The following UIMC1 variants were observed in gnomAD, a reference collection of about 807,000 sequenced individuals.
UIMC1 encodes ubiquitin interaction motif containing 1, also known as BRCA1-A complex subunit RAP80.
UIMC1 carries 42 observed loss-of-function variants against 84.9 expected under a neutral mutation model. That is an observed-to-expected ratio of 0.49 (90% CI 0.39 to 0.64). The LOEUF is 0.64. Ranked by LOEUF, UIMC1 falls within the 30% of genes least tolerant of loss-of-function variation. UIMC1 has a pLI of 0.00. For synonymous variants in UIMC1, 281 were observed against 293.0 expected, an observed-to-expected ratio of 0.96 and a Z score of 0.42; for missense variants, 825 against 847.6, an observed-to-expected ratio of 0.97 and a Z score of 0.33.
chr5:176,937,960 G>A (rs1442848791), intron 10 of UIMC1, among the ~76,000 whole-genome samples: 1 of 152,066 alleles, frequency 6.6e-6, no homozygotes, highest in Non-Finnish European at 1.5e-5. Flanking sequence ...GGAGGCCAAC[G>A]CAGGAGAATC....
At chr5:176,917,179 G>T (rs1199688527) in intron 10 of UIMC1, among the ~76,000 whole-genome samples, 2 of 152,166 alleles carry the variant, frequency 1.3e-5, no homozygotes, top group Non-Finnish European at 2.9e-5. Context: ...GGAAAAGAAG[G>T]GAAGACGAGC....
intron 6 of UIMC1, among the ~76,000 whole-genome samples, chr5:176,966,966 G>A (rs766763585): frequency 6.6e-6 from 1 of 152,112 alleles, no homozygotes; most frequent in Non-Finnish European, 1.5e-5. Flanking sequence ...TAAGAGATAC[G>A]CAAATTAAGA....
intron 1 of UIMC1, among the ~76,000 whole-genome samples, chr5:177,021,095 T>C (rs1305256443): frequency 6.6e-6 from 1 of 151,946 alleles, no homozygotes; most frequent in Non-Finnish European, 1.5e-5. Flanking sequence ...CTAGCTAACA[T>C]AGTGAAACCC....
At chr5:176,976,631 AAATG>A (rs548507661) in intron 2 of UIMC1, among the ~76,000 whole-genome samples, 82 of 152,382 alleles carry the variant, frequency 5.4e-4, no homozygotes, top group African/African-American at 1.8e-3. Flanking sequence ...ACACACTACG[AAATG>A]AATGTACCTT....
At chr5:176,911,447 T>C (rs1581343701) in intron 10 of UIMC1, 58 bp from the exon 11 acceptor site, 4 of 1,240,108 alleles carry the variant, frequency 3.2e-6, no homozygotes, top group South Asian at 4.4e-5. Context: ...AGACTCTGAA[T>C]ATAAAAGACA....
chr5:176,959,770 G>A (rs189605544), intron 6 of UIMC1, among the ~76,000 whole-genome samples: 210 of 150,586 alleles, frequency 1.4e-3, no homozygotes, highest in Non-Finnish European at 1.9e-3. Context: ...GGTGGCTCAC[G>A]CCTGTAATCC....
At position 176,964,605 on chromosome 5, in the gene UIMC1, A is replaced by G. The variant is rs549324261; in HGVS notation, c.1200+3950T>C. On this transcript the variant is annotated intron_variant, in intron 6 of 14. Coordinates refer to ENST00000511320, the MANE Select transcript of UIMC1 (RefSeq NM_001199298.2). ...AATATAGCCATTAAAAGTGAAATAT[A>G]TAATTTAACATGAGAAAATGTCTAC... 5.3e-5 allele frequency among the ~76,000 whole-genome samples: 8 copies of G among 152,366 alleles called. No homozygotes were observed. In the East Asian group the frequency reaches 1.2e-3, roughly 22 times the overall value.
chr5:177,010,787 T>C (rs1034303683), upstream of UIMC1, among the ~76,000 whole-genome samples: 3 of 152,108 alleles, frequency 2.0e-5, no homozygotes, highest in Admixed American at 6.6e-5. Context: ...CCTCCCAAAG[T>C]GAGCAACCGG....
intron 2 of UIMC1, among the ~76,000 whole-genome samples, chr5:176,979,886 G>C (rs982868663): frequency 6.6e-6 from 1 of 152,102 alleles, no homozygotes; most frequent in South Asian, 2.1e-4. Flanking sequence ...GTGTCTGTCC[G>C]GGTGTTTGCA....
At chr5:176,967,431 C>T (rs551410959) in intron 6 of UIMC1, among the ~76,000 whole-genome samples, 1 of 151,968 alleles carries the variant, frequency 6.6e-6, no homozygotes, top group South Asian at 2.1e-4. Flanking sequence ...TCTGCTTGTA[C>T]CAGATAAAGT....
At chr5:176,929,922 A>G (rs1762881979) in intron 10 of UIMC1, among the ~76,000 whole-genome samples, 1 of 152,226 alleles carries the variant, frequency 6.6e-6, no homozygotes, top group African/African-American at 2.4e-5. Context: ...TGTCATCAGA[A>G]CCTAAATAAA....
chr5:176,937,956 C>CA lies in UIMC1; in HGVS notation c.1597+5378dup, dbSNP rs543914643. On this transcript the variant is annotated intron_variant, in intron 10 of 14. Coordinates refer to ENST00000511320, the MANE Select transcript of UIMC1 (RefSeq NM_001199298.2). ...CTATAATCCCAGCACTTTGGGAGGC[C>CA]AACGCAGGAGAATCACTTGAGCCCA... 3.1e-3 allele frequency among the ~76,000 whole-genome samples: 471 copies of CA among 152,082 alleles called. 3 individuals carry two copies. Among genetic ancestry groups the CA allele is most frequent in the African/African-American group, 0.011 (461 of 41,490 alleles).
At chr5:176,935,139 A>T (rs909025873) in intron 10 of UIMC1, among the ~76,000 whole-genome samples, 1 of 152,124 alleles carries the variant, frequency 6.6e-6, no homozygotes, top group African/African-American at 2.4e-5. Flanking sequence ...GCTGTTCCAT[A>T]ATGTAGACCC....
At chr5:176,966,937 AG>A (rs995555352) in intron 6 of UIMC1, among the ~76,000 whole-genome samples, 3 of 152,236 alleles carry the variant, frequency 2.0e-5, no homozygotes, top group African/African-American at 7.2e-5. Context: ...GTGAGAAAAA[AG>A]TTCAGCCTCA....
rs1455467130 is a variant in UIMC1, at chr5:176,968,944, C to T, written c.811G>A (p.Gly271Arg). The T allele has an allele frequency of 1.2e-6, 2 of 1,614,200 alleles. No individual in the cohort carries two copies. The highest frequency in any genetic ancestry group is 1.7e-6 in the Non-Finnish European group (2 of 1,180,038). ...LADAKGLQDT[G>R]GTVNYFWGIP... ...CCCCAGAAATAGTTCACAGTGCCCC[C>T]AGTGTCCTGGAGACCTTTGGCATCT... The change falls in exon 6 of 15, where the codon GGG becomes AGG. Residue 271 changes from glycine to arginine, a missense_variant. Physicochemically the swap from Gly to Arg is moderately radical, Grantham distance 125. Coordinates refer to ENST00000511320, the MANE Select transcript of UIMC1 (RefSeq NM_001199298.2).
At chr5:176,905,598 AAATAATCTTTGT>A in intron 14 of UIMC1, 106 bp from the exon 15 acceptor site, 2 of 1,045,178 alleles carry the variant, frequency 1.9e-6, no homozygotes, top group South Asian at 3.2e-5. Flanking sequence ...TTATTAGTAC[AAATAATCTTTGT>A]AATAATCCCA....
chr5:176,986,857 A>C (rs1581657091), intron 1 of UIMC1, among the ~76,000 whole-genome samples: 1 of 152,310 alleles, frequency 6.6e-6, no homozygotes, highest in African/African-American at 2.4e-5. Context: ...CTCAACTTAG[A>C]AGTAAAACTA....
rs1419489939 is a variant in UIMC1 at position 176,905,195 on chromosome 5, CA to C, written c.*86del. 6.9e-7 allele frequency: 1 copy of C among 1,440,672 alleles called. No homozygotes were observed. The allele number at this position is 1,440,672 out of a possible 1,614,324, so 89.2% of individuals were successfully genotyped here. ...GAAAACTGCAGGGCTAAAACTTGCT[CA>C]ACAATGAACTAGGGACCACTATGGC... On this transcript the variant is annotated 3_prime_UTR_variant, in exon 15 of 15. Transcript: ENST00000511320.
chr5:176,914,074 C>CACCAT (rs1760661453), intron 10 of UIMC1, among the ~76,000 whole-genome samples: 1 of 42,410 alleles, frequency 2.4e-5, no homozygotes, highest in African/African-American at 7.3e-5. Context: ...TACCATACCA[C>CACCAT]ACCACACCAC....
Sources: allele counts gnomAD v4.1 joint callset (sites outside exome capture counted in the v4.1 genomes callset), GRCh38; gene constraint gnomAD v4.1.1; transcripts MANE v1.5; gene names NCBI Gene and HGNC (gene_info 2026-07-23, HGNC 2026-07-21).